Variants in TRAPPC9 observed in about 807,000 individuals in gnomAD.
The protein encoded by TRAPPC9 is trafficking protein particle complex subunit 9, also known as IKK2 binding protein.
A neutral mutation model predicts 124.0 loss-of-function variants in TRAPPC9; 83 were observed. The ratio of observed to expected loss-of-function variants is 0.67; its 90% CI spans 0.56 to 0.80. The LOEUF (loss-of-function observed/expected upper bound fraction) is 0.80. TRAPPC9 is among the 30% of genes least tolerant of loss of function. The pLI is 0.00. For synonymous variants in TRAPPC9, 638 were observed against 617.5 expected (o/e 1.03, Z -0.49); for missense variants, 1,302 against 1,508.3 (o/e 0.86, Z 2.27).
At chr8:139,859,146 C>T (rs73726685) in intron 21 of TRAPPC9, among the ~76,000 whole-genome samples, 2 of 151,718 alleles carry the variant, frequency 1.3e-5, no homozygotes, top group Non-Finnish European at 2.9e-5. Flanking sequence ...CGGTTTCTGG[C>T]CCGAGTCAGA....
chr8:140,011,670 ATTTTTTTTTTTT>A (rs56884853), intron 18 of TRAPPC9, among the ~76,000 whole-genome samples: 3 of 62,630 alleles, frequency 4.8e-5, no homozygotes, highest in African/African-American at 6.2e-5. Context: ...CACCCAGCTA[ATTTTTTTTTTTT>A]TTTTTTTTTT....
chr8:140,413,794 AATG>A lies in TRAPPC9; in HGVS notation c.887-8099_887-8097del, dbSNP rs1336405808. Among the ~76,000 whole-genome samples the A allele has an allele frequency of 1.1e-4, 17 of 151,592 alleles. No homozygotes were observed. In the East Asian group the frequency reaches 3.3e-3, roughly 30 times the overall value. On this transcript the variant is annotated intron_variant, in intron 5 of 22. Transcript: ENST00000438773. ...TTAGTTCTTGCGATAGTTTACTGAGAATGATGATTTCCAATTTCATCCATGTCC... is the reference window on the plus strand; with the variant it reads ...TTAGTTCTTGCGATAGTTTACTGAGAATGATTTCCAATTTCATCCATGTCC...
chr8:139,909,231 G>A (rs1831554325), intron 20 of TRAPPC9, among the ~76,000 whole-genome samples: 1 of 152,178 alleles, frequency 6.6e-6, no homozygotes, highest in Non-Finnish European at 1.5e-5. Flanking sequence ...CATCAGAGCT[G>A]CCCCTTCCCC....
intron 17 of TRAPPC9, among the ~76,000 whole-genome samples, chr8:140,128,210 G>C (rs2061133318): frequency 1.3e-5 from 2 of 152,208 alleles, no homozygotes; most frequent in South Asian, 4.1e-4. Context: ...CCATAGAACA[G>C]TTCCATCACA....
At chr8:140,274,999 A>C (rs4317547) in intron 15 of TRAPPC9, among the ~76,000 whole-genome samples, 111,987 of 152,072 alleles carry the variant, frequency 0.74, 42,493 homozygotes, top group African/African-American at 0.87. Flanking sequence ...GGTTTTATTT[A>C]CACATATTAC....
In TRAPPC9 at chr8:140,450,995, G is replaced by C. The variant is rs373490294; in HGVS notation, c.379C>G (p.Gln127Glu). Reference protein sequence around the residue: ...VFGLQGEIVEQPRTDVAFYPN... With the variant: ...VFGLQGEIVEEPRTDVAFYPN... ...TAGAAAGCCACGTCGGTGCGCGGCT[G>C]CTCCACGATCTCCCCCTGCAGCCCG... The change falls in exon 2 of 23, where the codon CAG becomes GAG. Residue 127 changes from glutamine (Q) to glutamate (E), a missense_variant. By Grantham distance (29) the Gln-to-Glu change is conservative. Transcript: ENST00000438773. 2.5e-5 allele frequency: 40 copies of C among 1,613,988 alleles called. No homozygotes were observed. The highest frequency in any genetic ancestry group is 3.0e-5 in the Non-Finnish European group (35 of 1,180,036).
At position 139,992,399 on chromosome 8, in the gene TRAPPC9, G is replaced by A. The variant is rs768626530; in HGVS notation, c.2700-3563C>T. Among the ~76,000 whole-genome samples the A allele has an allele frequency of 3.9e-5, 6 of 151,940 alleles. No homozygotes were observed. The East Asian group carries it at 5.8e-4, about 15-fold the overall frequency. ...AGTGAGCATCCCAAATCCAAAACTC[G>A]GAGATGCAAAACACTCCAATAAACA... On this transcript the variant is annotated intron_variant, in intron 18 of 22. Transcript: ENST00000438773.
intron 21 of TRAPPC9, among the ~76,000 whole-genome samples, chr8:139,879,927 C>A (rs953091371): frequency 6.6e-6 from 1 of 152,180 alleles, no homozygotes; most frequent in African/African-American, 2.4e-5. Flanking sequence ...CAAAACACAG[C>A]AAACTTGAGA....
chr8:140,039,202 T>C (rs1244592115), intron 17 of TRAPPC9, among the ~76,000 whole-genome samples: 3 of 152,368 alleles, frequency 2.0e-5, no homozygotes, highest in East Asian at 1.9e-4. Flanking sequence ...GCCTGTCTGA[T>C]AGGCATGGGG....
chr8:140,396,601 C>T (rs2069104845), intron 7 of TRAPPC9, among the ~76,000 whole-genome samples: 1 of 151,802 alleles, frequency 6.6e-6, no homozygotes, highest in Admixed American at 6.6e-5. Context: ...TTTCTACCCC[C>T]ACCGCCATCT....
chr8:140,442,556 C>G (rs2071057421), intron 2 of TRAPPC9, among the ~76,000 whole-genome samples: 1 of 150,140 alleles, frequency 6.7e-6, no homozygotes, highest in South Asian at 2.1e-4. Context: ...TAAGATTGCA[C>G]CACTGCACTC....
chr8:139,897,897 C>T (rs144952888), intron 20 of TRAPPC9, among the ~76,000 whole-genome samples: 10 of 152,348 alleles, frequency 6.6e-5, no homozygotes, highest in African/African-American at 1.7e-4. Context: ...TGCTGTGGAA[C>T]GTTAGAGGCA....
intron 19 of TRAPPC9, among the ~76,000 whole-genome samples, chr8:139,942,638 A>G (rs1369409684): frequency 6.6e-6 from 1 of 152,212 alleles, no homozygotes; most frequent in Non-Finnish European, 1.5e-5. Context: ...TAAATTCTGG[A>G]CACATTTTTT....
chr8:139,767,562 G>A (rs1374312504), intron 21 of TRAPPC9, among the ~76,000 whole-genome samples: 1 of 152,212 alleles, frequency 6.6e-6, no homozygotes, highest in East Asian at 1.9e-4. Flanking sequence ...GAAGGGGGAG[G>A]GAGAGAAGAT....
In TRAPPC9 at chr8:140,252,925, T is replaced by C. The variant is rs151200317; in HGVS notation, c.2283A>G (p.Lys761=). 27 of 1,613,632 alleles carry C rather than the reference T, an allele frequency of 1.7e-5. No individual in the cohort carries two copies. The highest frequency in any genetic ancestry group is 2.2e-5 in the Non-Finnish European group (26 of 1,180,006). ...TCCAGCTCAAGAAGTCGCCATACAA[T>C]TTTTCTGTAATAATAACAATGACAG... ...VTSKVLTTKE[K]LYGDFLSWKL... Residue 761 remains lysine, a synonymous_variant, in exon 16 of 23, where the codon AAA becomes AAG. Coordinates refer to ENST00000438773, the MANE Select transcript of TRAPPC9 (RefSeq NM_001160372.4). This position sits in a 1 kb window ranked among gnomAD's most constrained non-coding sequence, Gnocchi z 4.2.
intron 17 of TRAPPC9, among the ~76,000 whole-genome samples, chr8:140,079,918 C>T (rs1402369168): frequency 6.6e-6 from 1 of 151,572 alleles, no homozygotes; most frequent in Admixed American, 6.6e-5. Context: ...CGAGAGAGCA[C>T]AATTCTGTCT....
intron 21 of TRAPPC9, among the ~76,000 whole-genome samples, chr8:139,773,574 C>T (rs1263886507): frequency 6.6e-6 from 1 of 152,130 alleles, no homozygotes; most frequent in South Asian, 2.1e-4. Context: ...ACAGCTGCTT[C>T]CTGCTCACCA....
chr8:140,326,140 A>C (rs2066729757), intron 9 of TRAPPC9, among the ~76,000 whole-genome samples: 1 of 151,726 alleles, frequency 6.6e-6, no homozygotes, highest in Non-Finnish European at 1.5e-5. Flanking sequence ...TAATCCCAGC[A>C]CTTTGGGAGG....
intron 17 of TRAPPC9, chr8:140,099,501 C>T (rs2060530859): frequency 6.7e-6 from 1 of 148,976 alleles, no homozygotes; most frequent in African/African-American, 2.5e-5. Context: ...TCAGCTGCTT[C>T]AGTATCCCGG....
Sources: gnomAD v4.1 joint callset for allele counts (sites outside exome capture counted in the v4.1 genomes callset) on GRCh38, gnomAD v4.1.1 for gene constraint, Gnocchi (gnomAD v3.1) non-coding constraint, MANE v1.5 for transcripts, NCBI Gene and HGNC (gene_info 2026-07-23, HGNC 2026-07-21) for gene names.